ZMYM2: variants seen among roughly 807,000 people sequenced by gnomAD.
ZMYM2 encodes the protein zinc finger MYM-type containing 2, also known as zinc finger MYM-type protein 2.
In ZMYM2, 56 loss-of-function variants were observed where a neutral mutation model predicts 162.8. That is an observed-to-expected ratio of 0.34 (90% CI 0.28 to 0.43). The LOEUF is 0.43. ZMYM2 is among the 20% of genes least tolerant of loss of function. ZMYM2 has a pLI of 1.00. For missense variants in ZMYM2, 1,275 were observed against 1,621.8 expected, an observed-to-expected ratio of 0.79 and a Z score of 3.67; for synonymous variants, 510 against 541.6, an observed-to-expected ratio of 0.94 and a Z score of 0.81.
intron 12 of ZMYM2, among the ~76,000 whole-genome samples, chr13:20,045,344 T>C (rs1954672042): frequency 6.6e-6 from 1 of 152,214 alleles, no homozygotes; most frequent in African/African-American, 2.4e-5. Context: ...AGCTGTGAAG[T>C]AATTGAGACT....
intron 11 of ZMYM2, among the ~76,000 whole-genome samples, chr13:20,035,591 C>T (rs951491587): frequency 6.6e-6 from 1 of 152,020 alleles, no homozygotes; most frequent in African/African-American, 2.4e-5. Context: ...TAATTGTCTA[C>T]CATTTGGATT....
At chr13:19,894,882 G>A in the ZMYM2 span, among the ~76,000 whole-genome samples, 1 of 151,564 alleles carries the variant, frequency 6.6e-6, no homozygotes, top group African/African-American at 2.4e-5. Flanking sequence ...CTTGAGGTTA[G>A]GAGTTTTAGA....
chr13:19,939,905 T>C, the ZMYM2 span, among the ~76,000 whole-genome samples: 2 of 152,170 alleles, frequency 1.3e-5, no homozygotes, highest in Non-Finnish European at 2.9e-5. Context: ...CAAGGCAGCA[T>C]GATATGTCAC....
At chr13:19,931,486 C>T in the ZMYM2 span, among the ~76,000 whole-genome samples, 1 of 152,198 alleles carries the variant, frequency 6.6e-6, no homozygotes, top group African/African-American at 2.4e-5. Context: ...GTCCCTCCCT[C>T]TCCCAACCCC....
intron 2 of ZMYM2, among the ~76,000 whole-genome samples, chr13:19,985,444 C>A (rs1949054264): frequency 6.6e-6 from 1 of 152,124 alleles, no homozygotes. Flanking sequence ...TTTTTTAAAT[C>A]CCATTGTAGG....
At chr13:19,864,012 G>A in the ZMYM2 span, 2 of 152,234 alleles carry the variant, frequency 1.3e-5, no homozygotes, top group African/African-American at 4.8e-5. Flanking sequence ...CACAGCCCGG[G>A]AGACTCCGGC....
intron 11 of ZMYM2, among the ~76,000 whole-genome samples, chr13:20,035,060 G>C (rs61952378): frequency 0.063 from 9,551 of 152,192 alleles, 451 homozygotes; most frequent in Non-Finnish European, 0.09. Flanking sequence ...GCTCTAAGCT[G>C]GCTTTCACTT....
the ZMYM2 span, among the ~76,000 whole-genome samples, chr13:19,897,148 G>T: frequency 6.6e-6 from 1 of 151,862 alleles, no homozygotes; most frequent in Admixed American, 6.6e-5. Context: ...TAGGGATTGG[G>T]GATAGGAGTA....
At chr13:19,947,650 G>T in the ZMYM2 span, among the ~76,000 whole-genome samples, 2 of 120,192 alleles carry the variant, frequency 1.7e-5, no homozygotes, top group African/African-American at 5.7e-5. Context: ...GTAGAGACGG[G>T]GTTTCACCAT....
chr13:20,058,883 T>A (rs1299774512), intron 15 of ZMYM2, 179 bp downstream of exon 15: 1 of 822,122 alleles, frequency 1.2e-6, no homozygotes, highest in Non-Finnish European at 2.1e-6. Context: ...TCATTTTAAA[T>A]CATTATGATC....
At chr13:20,026,804 G>C in intron 8 of ZMYM2, 42 bp downstream of exon 8, 1 of 1,537,718 alleles carries the variant, frequency 6.5e-7, no homozygotes, top group Non-Finnish European at 8.7e-7. Context: ...ACTTTACAAC[G>C]TAATTAATTT....
At chr13:20,037,209 T>C (rs1953787994) in intron 12 of ZMYM2, among the ~76,000 whole-genome samples, 1 of 148,086 alleles carries the variant, frequency 6.8e-6, no homozygotes, top group Non-Finnish European at 1.5e-5. Context: ...TTTCACTAAG[T>C]AGAATTTTTT....
the ZMYM2 span, among the ~76,000 whole-genome samples, chr13:19,867,445 G>C: frequency 6.6e-6 from 1 of 152,154 alleles, no homozygotes; most frequent in Non-Finnish European, 1.5e-5. Flanking sequence ...AAAACAACTG[G>C]GGTGGGGAAG....
chr13:19,934,409 C>T, the ZMYM2 span, among the ~76,000 whole-genome samples: 3 of 152,228 alleles, frequency 2.0e-5, no homozygotes, highest in South Asian at 4.1e-4. Context: ...TTGCCCACCT[C>T]GGCCTCCCAA....
At chr13:20,024,682 T>C (rs975493220) in intron 7 of ZMYM2, 3 of 222,876 alleles carry the variant, frequency 1.3e-5, no homozygotes, top group Non-Finnish European at 2.7e-5. Flanking sequence ...AGTCATCAAA[T>C]AGACCTCAGG....
chr13:20,015,683 T>C (rs896220863), intron 6 of ZMYM2, among the ~76,000 whole-genome samples: 1 of 152,150 alleles, frequency 6.6e-6, no homozygotes, highest in Admixed American at 6.5e-5. Flanking sequence ...TATATGTTTA[T>C]ATTTGTTATA....
At chr13:19,998,868 T>G (rs1023953064) in intron 3 of ZMYM2, among the ~76,000 whole-genome samples, 37 of 152,180 alleles carry the variant, frequency 2.4e-4, no homozygotes, top group African/African-American at 6.0e-4. Flanking sequence ...TTTTTTCCTG[T>G]GGAAGGGCAG....
At chr13:20,061,364 TATA>T in intron 17 of ZMYM2, 140 bp downstream of exon 17, 1 of 745,098 alleles carries the variant, frequency 1.3e-6, no homozygotes, top group South Asian at 2.9e-5. Context: ...AAATGTTTTT[TATA>T]TTAAGAGATC....
At chr13:20,053,415 A>G (rs926537179) in intron 14 of ZMYM2, among the ~76,000 whole-genome samples, 2 of 152,164 alleles carry the variant, frequency 1.3e-5, no homozygotes, top group Non-Finnish European at 1.5e-5. Flanking sequence ...AATCCCTGCA[A>G]CAAGGCAAGT....
Sources: allele counts gnomAD v4.1 joint callset (sites outside exome capture counted in the v4.1 genomes callset), GRCh38; gene constraint gnomAD v4.1.1; transcripts MANE v1.5; gene names NCBI Gene and HGNC (gene_info 2026-07-23, HGNC 2026-07-21).